PTPRU: variants seen among roughly 807,000 people sequenced by gnomAD.
PTPRU encodes protein tyrosine phosphatase receptor type U, also known as receptor-type tyrosine-protein phosphatase U.
In PTPRU, 69 loss-of-function variants were observed where a neutral mutation model predicts 166.3. The observed-to-expected ratio is 0.41, with a 90% CI of 0.34 to 0.51. PTPRU has a LOEUF of 0.51. Among genes scored for constraint, PTPRU ranks in the 20% least tolerant of loss-of-function variants. The probability of loss-of-function intolerance (pLI) is 0.09; values close to 1 mark genes in which losing one functional copy is unlikely to be tolerated. For synonymous variants in PTPRU, 793 were observed against 814.0 expected, an observed-to-expected ratio of 0.97 and a Z score of 0.44; for missense variants, 1,657 against 2,013.7, an observed-to-expected ratio of 0.82 and a Z score of 3.39.
chr1:29,278,624 C>T (rs1282691670), intron 8 of PTPRU, among the ~76,000 whole-genome samples: 1 of 152,202 alleles, frequency 6.6e-6, no homozygotes, highest in Non-Finnish European at 1.5e-5. Context: ...TACCGCAATG[C>T]AATTGCTGTT....
chr1:29,282,627 C>CT (rs1270998314), intron 11 of PTPRU, 49 bp from the exon 12 acceptor site: 1 of 1,567,176 alleles, frequency 6.4e-7, no homozygotes, highest in Non-Finnish European at 8.6e-7. Context: ...CTGGCTCTCC[C>CT]AGTCCTCTGG....
At chr1:29,306,733 C>G (rs1417170616) in intron 18 of PTPRU, among the ~76,000 whole-genome samples, 2 of 152,224 alleles carry the variant, frequency 1.3e-5, no homozygotes. Flanking sequence ...TAGTCAGGGT[C>G]TCTGGAGGTG....
rs1212838886 is a variant in PTPRU, at chr1:29,317,653, G to A, written c.3514-95G>A. 7.5e-6 allele frequency: 10 copies of A among 1,337,682 alleles called. No individual in the cohort carries two copies. The highest frequency in any genetic ancestry group is 1.0e-5 in the Non-Finnish European group (10 of 980,656). 82.9% of individuals were successfully genotyped at this position (1,337,682 alleles called of 1,614,324 possible). A position where few individuals can be genotyped will look rare whatever the true frequency, so the allele number is the denominator to read the frequency against. On this transcript the variant is annotated intron_variant, in intron 24 of 29. Transcript: ENST00000373779. The surrounding 1 kb of genome is among the most constrained non-coding windows in gnomAD (Gnocchi z 5.6). ...CCTCAGTTTCTCCATCCATAAAATG[G>A]GATTAGTAACTCAGTCCAGCCTCCT...
At chr1:29,289,540 T>C in intron 14 of PTPRU, 1 of 907,822 alleles carries the variant, frequency 1.1e-6, no homozygotes, top group Non-Finnish European at 1.7e-6. Flanking sequence ...GAGGTCCTCC[T>C]GACCTGTTCA....
Position 29,271,228 on chromosome 1 carries a change from A to C in PTPRU, c.1145-4220A>C, listed in dbSNP as rs1685545575. On this transcript the variant is annotated intron_variant, in intron 7 of 29. Transcript: ENST00000373779. The surrounding 1 kb of genome is among the most constrained non-coding windows in gnomAD (Gnocchi z 4.4). ...TGTAATTTAGAGGGATGGGGCTTTG[A>C]GGTCCCCAAGTTCTGTTTTGTCAGC... Among the ~76,000 whole-genome samples, 1 of 152,166 alleles carries C rather than the reference A, an allele frequency of 6.6e-6. No homozygotes were observed. The highest frequency in any genetic ancestry group is 2.4e-5 in the African/African-American group (1 of 41,442).
chr1:29,285,496 G>A (rs1012310507), intron 14 of PTPRU, among the ~76,000 whole-genome samples: 2 of 152,162 alleles, frequency 1.3e-5, no homozygotes, highest in African/African-American at 2.4e-5. Flanking sequence ...GTTTCCTAGC[G>A]GATTTGCAGA....
Position 29,237,950 on chromosome 1 carries a change from G to A in PTPRU, c.73+1233G>A, listed in dbSNP as rs918295422. On this transcript the variant is annotated intron_variant, in intron 1 of 29. Coordinates refer to ENST00000373779, the MANE Select transcript of PTPRU (RefSeq NM_133178.4). This position sits in a 1 kb window ranked among gnomAD's most constrained non-coding sequence, Gnocchi z 6.4. ...GGGCCTGGCTCGCCGCCGGGGGACG[G>A]CGCCCCCTCCCTTGGCGCGCAGGAC... Among the ~76,000 whole-genome samples the A allele has an allele frequency of 6.6e-6, 1 of 150,612 alleles. No individual in the cohort carries two copies. Among genetic ancestry groups the A allele is most frequent in the African/African-American group, 2.4e-5 (1 of 41,242 alleles).
intron 7 of PTPRU, among the ~76,000 whole-genome samples, chr1:29,266,116 G>A (rs563601351): frequency 1.9e-4 from 28 of 149,828 alleles, no homozygotes; most frequent in African/African-American, 5.4e-4. Flanking sequence ...TGCCTCCTGG[G>A]CTCAAGTGAT....
chr1:29,303,545 C>T (rs2151963034), intron 15 of PTPRU, among the ~76,000 whole-genome samples: 1 of 152,344 alleles, frequency 6.6e-6, no homozygotes, highest in East Asian at 1.9e-4. Flanking sequence ...CTGCCTTCTG[C>T]AGGTAGCATG....
rs1381793660 is a variant in PTPRU at position 29,257,556 on chromosome 1, C to T, written c.206-949C>T. Among the ~76,000 whole-genome samples, 1 of 152,218 alleles carries T rather than the reference C, an allele frequency of 6.6e-6. No individual in the cohort carries two copies. Among genetic ancestry groups the T allele is most frequent in the Non-Finnish European group, 1.5e-5 (1 of 68,044 alleles). On this transcript the variant is annotated intron_variant, in intron 2 of 29. Coordinates refer to ENST00000373779, the MANE Select transcript of PTPRU (RefSeq NM_133178.4). The surrounding 1 kb of genome is among the most constrained non-coding windows in gnomAD (Gnocchi z 4.6). ...TAGTCCACTTCTACTCCACCAGTAC[C>T]CAGCCTGGGTCTCTGGGGAAGGGAC...
chr1:29,287,730 G>T (rs1557452024), intron 14 of PTPRU, among the ~76,000 whole-genome samples: 1 of 151,964 alleles, frequency 6.6e-6, no homozygotes, highest in African/African-American at 2.4e-5. Context: ...AAGTAGCTGG[G>T]ACTACAGGCG....
At chr1:29,251,754 G>A (rs1405301502) in intron 1 of PTPRU, among the ~76,000 whole-genome samples, 2 of 152,182 alleles carry the variant, frequency 1.3e-5, no homozygotes, top group Non-Finnish European at 2.9e-5. Context: ...TCAGGGCAGC[G>A]GCTTTGTTAC....
At chr1:29,270,079 G>A (rs1476891945) in intron 7 of PTPRU, among the ~76,000 whole-genome samples, 2 of 152,092 alleles carry the variant, frequency 1.3e-5, no homozygotes, top group Non-Finnish European at 2.9e-5. Context: ...AGGATAAAGT[G>A]TCAGGAGTGG....
intron 14 of PTPRU, among the ~76,000 whole-genome samples, chr1:29,289,408 T>C (rs1686513772): frequency 6.6e-6 from 1 of 152,150 alleles, no homozygotes; most frequent in African/African-American, 2.4e-5. Context: ...TGTGTATGAC[T>C]GTGTGAAAGC....
Position 29,280,152 on chromosome 1 carries a change from G to T in PTPRU, c.1868+11G>T. ...CGGTGCGCCCATCAGGTGGGAAAGC[G>T]GGGACGGAGGGGTGGGAGTCCAGGG... On this transcript the variant is annotated intron_variant, in intron 11 of 29. Transcript: ENST00000373779. The surrounding 1 kb of genome is among the most constrained non-coding windows in gnomAD (Gnocchi z 4.2). The T allele has an allele frequency of 6.3e-7, 1 of 1,598,248 alleles. No individual in the cohort carries two copies. Among genetic ancestry groups the T allele is most frequent in the South Asian group, 1.1e-5 (1 of 90,672 alleles).
Position 29,280,122 on chromosome 1 carries a change from G to A in PTPRU, c.1849G>A (p.Gly617Ser). ...CACCGTGCTGCTGAGGCCGGCACAG[G>A]GCCGCGGTGCGCCCATCAGGTGGGA... is the stretch of plus-strand genomic sequence containing the variant. ...TITVLLRPAQ[G>S]RGAPISVYQV... The change falls in exon 11 of 30, where the codon GGC (glycine) becomes AGC (serine). Residue 617 changes from glycine (G) to serine (S), a missense_variant. Coordinates refer to ENST00000373779, the MANE Select transcript of PTPRU (RefSeq NM_133178.4). This position sits in a 1 kb window ranked among gnomAD's most constrained non-coding sequence, Gnocchi z 4.2. The A allele has an allele frequency of 6.2e-7, 1 of 1,612,994 alleles. No homozygotes were observed. Among genetic ancestry groups the A allele is most frequent in the Non-Finnish European group, 8.5e-7 (1 of 1,179,694 alleles).
At chr1:29,277,803 C>CTTTTTTTATTTTTTTTTTT in intron 8 of PTPRU, among the ~76,000 whole-genome samples, 2 of 50,590 alleles carry the variant, frequency 4.0e-5, no homozygotes, top group African/African-American at 1.8e-4. Context: ...AGTTGTCATT[C>CTTTTTTTATTTTTTTTTTT]TTTTTTTTTT....
rs760591977 is a variant in PTPRU, at chr1:29,311,472, G to A, written c.2874G>A (p.Met958Ile). ...CATCCCCAGGGCCGAAGCCTGAGAT[G>A]GTCTATGACTTCTGGCGTATGGTGT... ...FIATQGPKPE[M>I]VYDFWRMVWQ... Residue 958 changes from methionine to isoleucine, a missense_variant, in exon 20 of 30, where the codon ATG becomes ATA. Met to Ile is a conservative substitution (Grantham distance 10). Around this residue, in one of 3 missense-constraint regions of PTPRU, gnomAD observed 1,190 missense variants for 1,477.4 expected, o/e 0.81. Coordinates refer to ENST00000373779, the MANE Select transcript of PTPRU (RefSeq NM_133178.4). The surrounding 1 kb of genome is among the most constrained non-coding windows in gnomAD (Gnocchi z 4.1). The A allele has an allele frequency of 6.2e-7, 1 of 1,614,176 alleles. No homozygotes were observed. Among genetic ancestry groups the A allele is most frequent in the African/African-American group, 1.3e-5 (1 of 75,062 alleles).
At chr1:29,289,410 T>C (rs1168959142) in intron 14 of PTPRU, among the ~76,000 whole-genome samples, 1 of 152,126 alleles carries the variant, frequency 6.6e-6, no homozygotes, top group African/African-American at 2.4e-5. Flanking sequence ...TGTATGACTG[T>C]GTGAAAGCTC....
Sources: allele counts gnomAD v4.1 joint callset (sites outside exome capture counted in the v4.1 genomes callset), GRCh38; gene constraint gnomAD v4.1.1; regional missense constraint gnomAD v4.1.1; non-coding constraint Gnocchi (gnomAD v3.1); transcripts MANE v1.5; gene names NCBI Gene and HGNC (gene_info 2026-07-23, HGNC 2026-07-21).